Variants in ABCB5 observed in about 807,000 individuals in gnomAD.
ABCB5 encodes ATP-binding cassette sub-family B member 5.
ABCB5 carries 155 observed loss-of-function variants against 144.2 expected under a neutral mutation model. That is an observed-to-expected ratio of 1.08 (90% CI 0.94 to 1.23). The LOEUF (loss-of-function observed/expected upper bound fraction) is 1.23, where lower values mean the gene tolerates loss of function less well. Among genes scored for constraint, ABCB5 ranks in the 50% most tolerant of loss-of-function variants. The pLI, the probability that ABCB5 is intolerant of heterozygous loss-of-function variation, is 0.00. For synonymous variants in ABCB5, 610 were observed against 528.6 expected, an observed-to-expected ratio of 1.15 and a Z score of -2.11; for missense variants, 1,830 against 1,520.8, an observed-to-expected ratio of 1.20 and a Z score of -3.38.
intron 23 of ABCB5, among the ~76,000 whole-genome samples, chr7:20,732,453 T>C (rs534879886): frequency 6.6e-6 from 1 of 152,218 alleles, no homozygotes; most frequent in Admixed American, 6.5e-5. Context: ...ACCTATCTTG[T>C]TCACTGATGT....
chr7:20,738,813 T>C (rs375133974), intron 23 of ABCB5, among the ~76,000 whole-genome samples, 170 bp from the exon 24 acceptor site: 2 of 152,378 alleles, frequency 1.3e-5, no homozygotes, highest in East Asian at 3.9e-4. Context: ...GAATGATTAC[T>C]ACATGGTAGA....
At chr7:20,623,568 T>C (rs953759097) in intron 2 of ABCB5, among the ~76,000 whole-genome samples, 40 of 152,218 alleles carry the variant, frequency 2.6e-4, no homozygotes, top group African/African-American at 9.4e-4. Context: ...ATTGATTTAG[T>C]GCTTCAGATA....
Position 20,700,129 on chromosome 7 carries a change from A to G in ABCB5, c.2331A>G (p.Leu777=), listed in dbSNP as rs1011956377. The G allele has an allele frequency of 4.9e-5, 78 of 1,607,564 alleles. No homozygotes were observed. The highest frequency in any genetic ancestry group is 6.5e-5 in the Non-Finnish European group (77 of 1,177,416). The change falls in exon 19 of 28, where the codon TTA becomes TTG. Residue 777 remains leucine, a synonymous_variant. Coordinates refer to ENST00000404938, the MANE Select transcript of ABCB5 (RefSeq NM_001163941.2). ...GACACTTGGCCTTCAAAGCCATGTTATATCAGGTCAGTGATAAGTTGATTT... is the reference window on the plus strand; with the variant it reads ...GACACTTGGCCTTCAAAGCCATGTTGTATCAGGTCAGTGATAAGTTGATTT... ...RLRHLAFKAM[L]YQDIAWFDEK...
chr7:20,669,735 A>AG lies in ABCB5; in HGVS notation c.1707+11059_1707+11060insG, dbSNP rs1367184441. ...CAAGAATGATCAATAAAAAAAAAAA[A>AG]AAAAAAAAGAAAATAACATTCGTAA... On this transcript the variant is annotated intron_variant, in intron 14 of 27. Transcript: ENST00000404938. Among the ~76,000 whole-genome samples, 40 of 109,606 alleles carry AG rather than the reference A, an allele frequency of 3.6e-4. No homozygotes were observed. In the East Asian group the frequency reaches 4.8e-3, roughly 13 times the overall value. 71.9% of individuals were successfully genotyped at this position (109,606 alleles called of 152,430 possible).
chr7:20,634,190 A>AC (rs147740417), intron 5 of ABCB5, among the ~76,000 whole-genome samples: 171 of 151,018 alleles, frequency 1.1e-3, no homozygotes, highest in African/African-American at 3.8e-3. Flanking sequence ...CTGCAAAAAA[A>AC]AAACAAACCA....
At chr7:20,652,718 CT>C (rs1784639567) in intron 13 of ABCB5, among the ~76,000 whole-genome samples, 2 of 152,076 alleles carry the variant, frequency 1.3e-5, no homozygotes, top group East Asian at 1.9e-4. Flanking sequence ...GCTGTAAAGC[CT>C]TTTTTTAAAA....
At chr7:20,707,299 A>G (rs1786854464) in intron 20 of ABCB5, among the ~76,000 whole-genome samples, 1 of 152,186 alleles carries the variant, frequency 6.6e-6, no homozygotes, top group Admixed American at 6.5e-5. Flanking sequence ...AAGCTTTGAT[A>G]TTTTTGAAAG....
intron 14 of ABCB5, chr7:20,659,122 C>A: frequency 6.2e-7 from 1 of 1,613,992 alleles, no homozygotes. Context: ...AATCGCTGAC[C>A]TTGAACCAGC....
chr7:20,618,334 T>A (rs922374744), intron 1 of ABCB5, among the ~76,000 whole-genome samples: 4 of 152,234 alleles, frequency 2.6e-5, no homozygotes, highest in African/African-American at 9.6e-5. Context: ...GTACTTACCA[T>A]AATACTTTCA....
intron 14 of ABCB5, among the ~76,000 whole-genome samples, chr7:20,668,099 T>G (rs1449330103): frequency 2.6e-5 from 3 of 114,596 alleles, no homozygotes; most frequent in African/African-American, 3.8e-5. Flanking sequence ...CCGCCTGCCT[T>G]GGCCTCCCAA....
intron 14 of ABCB5, among the ~76,000 whole-genome samples, chr7:20,662,035 G>A (rs1435620141): frequency 6.6e-6 from 1 of 152,190 alleles, no homozygotes; most frequent in Admixed American, 6.5e-5. Context: ...AGACATGGCA[G>A]TGAGCACCTG....
intron 14 of ABCB5, among the ~76,000 whole-genome samples, chr7:20,665,591 G>A (rs899904372): frequency 6.6e-6 from 1 of 152,008 alleles, no homozygotes; most frequent in East Asian, 1.9e-4. Flanking sequence ...GGGTACTAGG[G>A]TCTCCAAGGA....
chr7:20,709,889 A>G (rs60288861), intron 20 of ABCB5, among the ~76,000 whole-genome samples: 2,869 of 148,992 alleles, frequency 0.019, 252 homozygotes, highest in African/African-American at 0.068. Context: ...CAGGCTGCCA[A>G]CATGGTGAAA....
chr7:20,654,454 G>T (rs1784702921), intron 13 of ABCB5, among the ~76,000 whole-genome samples: 1 of 147,224 alleles, frequency 6.8e-6, no homozygotes, highest in South Asian at 2.1e-4. Context: ...CAAGCAGGTG[G>T]AATATCAGTA....
At chr7:20,628,565 T>C in intron 3 of ABCB5, 123 bp from the exon 4 acceptor site, 1 of 913,874 alleles carries the variant, frequency 1.1e-6, no homozygotes, top group Non-Finnish European at 1.6e-6. Context: ...TTATTTACCA[T>C]CTTAATGTAT....
intron 24 of ABCB5, 102 bp downstream of exon 24, chr7:20,739,241 T>C: frequency 8.0e-7 from 1 of 1,257,718 alleles, no homozygotes; most frequent in Non-Finnish European, 1.1e-6. Context: ...GCTGAAAAAC[T>C]AACCATTGGG....
chr7:20,635,686 G>A (rs1784142878), intron 5 of ABCB5, among the ~76,000 whole-genome samples: 1 of 151,868 alleles, frequency 6.6e-6, no homozygotes. Context: ...TTGATTTCTT[G>A]ATTTGATTCT....
Position 20,647,662 on chromosome 7 carries a change from T to C in ABCB5, c.1095+14T>C. ...GTTATTGATAAGGTAAGACCTCTTA[T>C]TGCTTTGAAGAATAACTATCATTAC... On this transcript the variant is annotated intron_variant, in intron 10 of 27. Transcript: ENST00000404938. 2 of 1,551,122 alleles carry C rather than the reference T, an allele frequency of 1.3e-6. No individual in the cohort carries two copies. Among genetic ancestry groups the C allele is most frequent in the Non-Finnish European group, 1.7e-6 (2 of 1,147,928 alleles).
chr7:20,672,876 C>T (rs993404665), intron 14 of ABCB5, among the ~76,000 whole-genome samples: 6 of 152,058 alleles, frequency 3.9e-5, no homozygotes, highest in South Asian at 2.1e-4. Flanking sequence ...GACTCCATTG[C>T]GTCATATTGA....
Sources: gnomAD v4.1 joint callset for allele counts (sites outside exome capture counted in the v4.1 genomes callset) on GRCh38, gnomAD v4.1.1 for gene constraint, MANE v1.5 for transcripts, NCBI Gene and HGNC (gene_info 2026-07-23, HGNC 2026-07-21) for gene names.